The following MTHFD2L variants were observed in gnomAD, a reference collection of about 807,000 sequenced individuals.
MTHFD2L encodes the protein bifunctional methylenetetrahydrofolate dehydrogenase/cyclohydrolase 2, mitochondrial.
A neutral mutation model predicts 34.9 loss-of-function variants in MTHFD2L; 29 were observed. The observed-to-expected ratio is 0.83, with a 90% CI of 0.62 to 1.13. The LOEUF (loss-of-function observed/expected upper bound fraction) is 1.13. MTHFD2L is among the 50% of genes most tolerant of loss of function. The pLI, the probability that MTHFD2L is intolerant of heterozygous loss-of-function variation, is 0.00. For missense variants in MTHFD2L, 481 were observed against 446.5 expected, an observed-to-expected ratio of 1.08 and a Z score of -0.70; for synonymous variants, 167 against 155.7, an observed-to-expected ratio of 1.07 and a Z score of -0.54.
intron 6 of MTHFD2L, among the ~76,000 whole-genome samples, chr4:74,249,887 G>A (rs1256211458): frequency 1.3e-5 from 2 of 152,114 alleles, no homozygotes; most frequent in Non-Finnish European, 2.9e-5. Flanking sequence ...TAGGTAACCC[G>A]ACCTTTCTTT....
chr4:74,218,427 G>T (rs2110102578), intron 5 of MTHFD2L, among the ~76,000 whole-genome samples: 1 of 152,182 alleles, frequency 6.6e-6, no homozygotes, highest in East Asian at 1.9e-4. Flanking sequence ...ATTTCATTCT[G>T]CTCAGAGTGA....
At chr4:74,270,730 C>G (rs571775382) in intron 6 of MTHFD2L, among the ~76,000 whole-genome samples, 19 of 152,326 alleles carry the variant, frequency 1.2e-4, no homozygotes, top group Non-Finnish European at 2.6e-4. Context: ...GTTCTAGATA[C>G]CTGAGGAATA....
Position 74,301,057 on chromosome 4 carries a change from GA to G in MTHFD2L, c.932-638del, listed in dbSNP as rs1750250773. On this transcript the variant is annotated intron_variant, in intron 7 of 7. Transcript: ENST00000325278. ...GGAGAAAGGTCACAATTCAAAATTT[GA>G]AGTATAGTTCCCACTGAATCTGTAT... is the stretch of plus-strand genomic sequence containing the variant. Among the ~76,000 whole-genome samples, 3 of 152,158 alleles carry G rather than the reference GA, an allele frequency of 2.0e-5. No homozygotes were observed. In the South Asian group the frequency reaches 6.2e-4, roughly 32 times the overall value.
At chr4:74,270,619 C>T (rs576955328) in intron 6 of MTHFD2L, among the ~76,000 whole-genome samples, 9 of 152,170 alleles carry the variant, frequency 5.9e-5, no homozygotes, top group African/African-American at 1.4e-4. Context: ...TGAGTAGTGC[C>T]GCAATAAACA....
chr4:74,290,051 A>G (rs771496981), intron 7 of MTHFD2L, among the ~76,000 whole-genome samples: 1 of 152,290 alleles, frequency 6.6e-6, no homozygotes, highest in South Asian at 2.1e-4. Flanking sequence ...AGGAAGTATG[A>G]TATTGTATAC....
chr4:74,147,316 C>T (rs1355068231), intron 1 of MTHFD2L, among the ~76,000 whole-genome samples: 1 of 152,114 alleles, frequency 6.6e-6, no homozygotes, highest in East Asian at 1.9e-4. Context: ...TTGGCTCTAA[C>T]AAACTCAGAG....
At chr4:74,154,048 TTTCC>T (rs1560416562), upstream of MTHFD2L, among the ~76,000 whole-genome samples, 1 of 152,230 alleles carries the variant, frequency 6.6e-6, no homozygotes, top group Non-Finnish European at 1.5e-5. Context: ...TTTCTTAGAC[TTTCC>T]TTGTTTTTGA....
intron 6 of MTHFD2L, among the ~76,000 whole-genome samples, chr4:74,240,735 T>C (rs959261177): frequency 6.6e-6 from 1 of 152,174 alleles, no homozygotes; most frequent in Non-Finnish European, 1.5e-5. Flanking sequence ...GATTTCATAT[T>C]ATAAAGCAAA....
chr4:74,223,638 A>AAAAT (rs35735577), intron 5 of MTHFD2L, among the ~76,000 whole-genome samples: 142,465 of 151,454 alleles, frequency 0.94, 67,348 homozygotes, highest in Non-Finnish European at 0.99. Context: ...AAAACAAATA[A>AAAAT]AAATAAATAA....
chr4:74,234,547 A>G (rs1033422692), intron 6 of MTHFD2L, among the ~76,000 whole-genome samples: 3 of 152,066 alleles, frequency 2.0e-5, no homozygotes, highest in Non-Finnish European at 4.4e-5. Context: ...TTAAGTTTAT[A>G]CATATTTTCT....
chr4:74,268,069 A>T (rs2110239199), intron 6 of MTHFD2L: 1 of 985,132 alleles, frequency 1.0e-6, no homozygotes. Context: ...GCCAGAGAAA[A>T]GAAAAAGAAC....
At chr4:74,119,296 T>C (rs1721710155), upstream of MTHFD2L, among the ~76,000 whole-genome samples, 1 of 152,198 alleles carries the variant, frequency 6.6e-6, no homozygotes, top group Non-Finnish European at 1.5e-5. Context: ...CATTATTTTA[T>C]TTGTCACTTC....
At chr4:74,190,741 G>A (rs1261168829) in intron 3 of MTHFD2L, among the ~76,000 whole-genome samples, 1 of 152,130 alleles carries the variant, frequency 6.6e-6, no homozygotes. Context: ...TTATTGGCTT[G>A]AGAACAGTGA....
At chr4:74,175,619 A>C (rs544411028) in intron 3 of MTHFD2L, among the ~76,000 whole-genome samples, 1 of 152,058 alleles carries the variant, frequency 6.6e-6, no homozygotes, top group Admixed American at 6.6e-5. Flanking sequence ...CAATACATAC[A>C]CTCCTTGCTT....
At chr4:74,151,272 G>C (rs917246215) in intron 1 of MTHFD2L, among the ~76,000 whole-genome samples, 7 of 152,088 alleles carry the variant, frequency 4.6e-5, no homozygotes, top group African/African-American at 1.7e-4. Context: ...TTTTTCAATA[G>C]AATCCACCAT....
At position 74,174,661 on chromosome 4, in the gene MTHFD2L, G is replaced by T; in HGVS notation, c.299G>T (p.Arg100Met). ...AACCCAGCAAGCCATACATATGTCA[G>T]GAATAAGATAAGAGCTGCCTCTGCT... ...GDNPASHTYV[R>M]NKIRAASAVG... Residue 100 changes from arginine (R) to methionine (M), a missense_variant, in exon 2 of 8, where the codon AGG (arginine) becomes ATG (methionine). Coordinates refer to ENST00000325278, the MANE Select transcript of MTHFD2L (RefSeq NM_001144978.3). 1 of 1,566,730 alleles carries T rather than the reference G, an allele frequency of 6.4e-7. No homozygotes were observed. Among genetic ancestry groups the T allele is most frequent in the East Asian group, 2.4e-5 (1 of 42,506 alleles).
At chr4:74,175,467 A>C (rs1439137500) in intron 3 of MTHFD2L, 64 bp downstream of exon 3, 34 of 1,496,228 alleles carry the variant, frequency 2.3e-5, no homozygotes, top group Non-Finnish European at 3.1e-5. Context: ...ATCTTTCAAC[A>C]TCATATTATG....
intron 3 of MTHFD2L, chr4:74,183,732 C>T (rs1201035537): frequency 4.0e-5 from 6 of 151,490 alleles, no homozygotes; most frequent in African/African-American, 1.5e-4. Flanking sequence ...ATGGATCTGT[C>T]CAAGGAATTA....
intron 1 of MTHFD2L, among the ~76,000 whole-genome samples, chr4:74,131,568 A>C (rs899114007): frequency 6.6e-6 from 1 of 152,214 alleles, no homozygotes; most frequent in African/African-American, 2.4e-5. Flanking sequence ...CTCACACCTT[A>C]AACAAAAATT....
Sources: gnomAD v4.1 joint callset for allele counts (sites outside exome capture counted in the v4.1 genomes callset) on GRCh38, gnomAD v4.1.1 for gene constraint, MANE v1.5 for transcripts, NCBI Gene and HGNC (gene_info 2026-07-23, HGNC 2026-07-21) for gene names.